MRTFB: variants seen among roughly 807,000 people sequenced by gnomAD.
The protein encoded by MRTFB is myocardin related transcription factor B, also known as myocardin-related transcription factor B.
A neutral mutation model predicts 104.2 loss-of-function variants in MRTFB; 29 were observed. That is an observed-to-expected ratio of 0.28 (90% confidence interval 0.21 to 0.38). The LOEUF (loss-of-function observed/expected upper bound fraction) is 0.38, where lower values mean the gene tolerates loss of function less well. Among genes scored for constraint, MRTFB ranks in the 10% least tolerant of loss-of-function variants. MRTFB has a pLI of 1.00. For missense variants in MRTFB, 1,270 were observed against 1,341.6 expected, an observed-to-expected ratio of 0.95 and a Z score of 0.83; for synonymous variants, 535 against 519.5, an observed-to-expected ratio of 1.03 and a Z score of -0.41.
the MRTFB span, among the ~76,000 whole-genome samples, chr16:14,053,560 G>A: frequency 1.3e-5 from 2 of 151,892 alleles, no homozygotes; most frequent in South Asian, 2.1e-4. Context: ...GTGAAACCCT[G>A]TCTCTACTAA....
intron 2 of MRTFB, among the ~76,000 whole-genome samples, chr16:14,109,256 G>A (rs1004195675): frequency 2.0e-5 from 3 of 152,094 alleles, no homozygotes; most frequent in African/African-American, 7.2e-5. Context: ...CTAAGTTCAA[G>A]GGCTTAGTTT....
In MRTFB at chr16:14,101,029, G is replaced by A. The variant is rs180827081; in HGVS notation, c.-64+21675G>A. On this transcript the variant is annotated intron_variant, in intron 2 of 16. Transcript: ENST00000571589. Reference sequence around the variant, plus strand: ...AGCTTTTGGTTTATTGATTTTTCTCGATTTTTTTGTTTTCTGTTTCATTGA... The same window carrying A: ...AGCTTTTGGTTTATTGATTTTTCTCAATTTTTTTGTTTTCTGTTTCATTGA... Among the ~76,000 whole-genome samples the A allele has an allele frequency of 2.5e-3, 370 of 149,182 alleles. 3 individuals are homozygous for A. Among genetic ancestry groups the A allele is most frequent in the African/African-American group, 8.5e-3 (344 of 40,674 alleles).
At chr16:14,248,801 CTG>C in intron 12 of MRTFB, 123 bp from the exon 13 acceptor site, 1 of 970,054 alleles carries the variant, frequency 1.0e-6, no homozygotes, top group Non-Finnish European at 1.5e-6. Flanking sequence ...AAGTGTGTAT[CTG>C]TAACCTTGGT....
the MRTFB span, among the ~76,000 whole-genome samples, chr16:14,043,825 T>A: frequency 6.6e-6 from 1 of 152,196 alleles, no homozygotes; most frequent in East Asian, 1.9e-4. Flanking sequence ...CCGAACCTTG[T>A]GCTAGGCACA....
At chr16:14,209,836 A>T (rs1189493677) in intron 3 of MRTFB, among the ~76,000 whole-genome samples, 3 of 152,224 alleles carry the variant, frequency 2.0e-5, no homozygotes, top group Non-Finnish European at 4.4e-5. Context: ...GTCAGTCTTA[A>T]AATAAGTTTT....
chr16:14,218,040 C>G (rs914150501), intron 7 of MRTFB, among the ~76,000 whole-genome samples: 1 of 152,074 alleles, frequency 6.6e-6, no homozygotes, highest in Non-Finnish European at 1.5e-5. Flanking sequence ...CCATTTTCCT[C>G]CTTGTCACGT....
chr16:13,995,103 A>G, the MRTFB span, among the ~76,000 whole-genome samples: 2 of 152,198 alleles, frequency 1.3e-5, no homozygotes, highest in African/African-American at 4.8e-5. Context: ...AATGATTGAC[A>G]AAGACTGAAT....
chr16:14,242,306 C>A (rs2042808500), intron 10 of MRTFB, among the ~76,000 whole-genome samples: 1 of 152,154 alleles, frequency 6.6e-6, no homozygotes, highest in Non-Finnish European at 1.5e-5. Flanking sequence ...TTCAATTCCC[C>A]TCTCCTCCTC....
chr16:14,090,574 G>A (rs940001766), intron 2 of MRTFB, among the ~76,000 whole-genome samples: 1 of 152,144 alleles, frequency 6.6e-6, no homozygotes, highest in Non-Finnish European at 1.5e-5. Flanking sequence ...CTGTGGTGGT[G>A]CCAGGAGGGG....
intron 3 of MRTFB, among the ~76,000 whole-genome samples, chr16:14,199,558 G>A (rs1324426547): frequency 6.6e-6 from 1 of 152,120 alleles, no homozygotes; most frequent in Non-Finnish European, 1.5e-5. Context: ...GTCTACCCAG[G>A]TGCTTAAGCC....
At chr16:14,152,965 A>T (rs1288880855) in intron 3 of MRTFB, 3 of 152,194 alleles carry the variant, frequency 2.0e-5, no homozygotes, top group African/African-American at 7.2e-5. Context: ...TAAAAATGGG[A>T]CACAGGCAAG....
At chr16:14,218,741 A>G (rs1737158085) in intron 7 of MRTFB, 79 bp from the exon 8 acceptor site, 2 of 1,404,660 alleles carry the variant, frequency 1.4e-6, no homozygotes, top group Non-Finnish European at 1.9e-6. Context: ...TTCATAGGAA[A>G]CAATGTTTTC....
intron 11 of MRTFB, 91 bp downstream of exon 11, chr16:14,245,751 T>G (rs1735140371): frequency 3.0e-6 from 4 of 1,354,610 alleles, no homozygotes; most frequent in Non-Finnish European, 4.0e-6. Flanking sequence ...TAAGTAGTTT[T>G]CAGTAGACAT....
chr16:14,001,447 C>T, the MRTFB span, among the ~76,000 whole-genome samples: 2 of 152,224 alleles, frequency 1.3e-5, no homozygotes, highest in Non-Finnish European at 2.9e-5. Context: ...CTTTGCATCT[C>T]ACTACCCATC....
chr16:14,251,776 T>C lies in MRTFB; in HGVS notation c.2404-86T>C, dbSNP rs2043265934. 7 of 1,471,762 alleles carry C rather than the reference T, an allele frequency of 4.8e-6. No individual in the cohort carries two copies. In the Admixed American group the frequency reaches 1.1e-4, roughly 24 times the overall value. The allele number at this position is 1,471,762 out of a possible 1,614,324, so 91.2% of individuals were successfully genotyped here. On this transcript the variant is annotated intron_variant, in intron 13 of 16. Transcript: ENST00000571589. Reference sequence around the variant, plus strand: ...GCAGCCCTTTACAGAAAAAGTTTGCTGACCCCTGTCCTAAAACATGGTTTT... The same window carrying C: ...GCAGCCCTTTACAGAAAAAGTTTGCCGACCCCTGTCCTAAAACATGGTTTT...
the MRTFB span, among the ~76,000 whole-genome samples, chr16:14,021,656 T>C: frequency 1.3e-5 from 2 of 152,210 alleles, no homozygotes; most frequent in East Asian, 1.9e-4. Flanking sequence ...CTCCCACTTA[T>C]AAGTGAGAAC....
At chr16:14,183,285 A>G (rs964280411) in intron 3 of MRTFB, among the ~76,000 whole-genome samples, 7 of 152,192 alleles carry the variant, frequency 4.6e-5, no homozygotes, top group Non-Finnish European at 1.0e-4. Flanking sequence ...GGATAATACT[A>G]TAAAATAACT....
chr16:14,052,709 A>G, the MRTFB span, among the ~76,000 whole-genome samples: 1 of 151,110 alleles, frequency 6.6e-6, no homozygotes, highest in Non-Finnish European at 1.5e-5. Flanking sequence ...ATTGCACTAT[A>G]GCCTGGGCAA....
intron 3 of MRTFB, chr16:14,150,993 T>G (rs979309900): frequency 6.6e-6 from 1 of 152,218 alleles, no homozygotes; most frequent in African/African-American, 2.4e-5. Flanking sequence ...TTTTTACTTC[T>G]ATGTGCAATT....
Sources: gnomAD v4.1 joint callset for allele counts (sites outside exome capture counted in the v4.1 genomes callset) on GRCh38, gnomAD v4.1.1 for gene constraint, MANE v1.5 for transcripts, NCBI Gene and HGNC (gene_info 2026-07-23, HGNC 2026-07-21) for gene names.